Variants in MARCHF5 observed in about 807,000 individuals in gnomAD.
MARCHF5 encodes membrane associated ring-CH-type finger 5, also known as E3 ubiquitin-protein ligase MARCHF5.
In MARCHF5, 5 loss-of-function variants were observed where a neutral mutation model predicts 36.5. The ratio of observed to expected loss-of-function variants is 0.14; its 90% CI spans 0.07 to 0.29. The LOEUF is 0.29. Ranked by LOEUF, MARCHF5 falls within the 10% of genes least tolerant of loss-of-function variation. The pLI, the probability that MARCHF5 is intolerant of heterozygous loss-of-function variation, is 1.00. For missense variants in MARCHF5, 179 were observed against 336.3 expected, an observed-to-expected ratio of 0.53 and a Z score of 3.66; for synonymous variants, 103 against 109.9, an observed-to-expected ratio of 0.94 and a Z score of 0.39.
In MARCHF5 at chr10:92,291,416, G is replaced by A; in HGVS notation, c.-79G>A. 1 of 1,282,132 alleles carries A rather than the reference G, an allele frequency of 7.8e-7. No individual in the cohort carries two copies. The highest frequency in any genetic ancestry group is 1.1e-6 in the Non-Finnish European group (1 of 906,752). The allele number at this position is 1,282,132 out of a possible 1,614,324, so 79.4% of individuals were successfully genotyped here. On this transcript the variant is annotated 5_prime_UTR_variant, in exon 1 of 6. Transcript: ENST00000358935. ...CCGCCGGACTGCGGCCTACTCCGCCGCCTCTCAGTGCTATTGTCCCTGGGC... is the reference window on the plus strand; with the variant it reads ...CCGCCGGACTGCGGCCTACTCCGCCACCTCTCAGTGCTATTGTCCCTGGGC...
At chr10:92,316,969 T>G (rs892526542) in intron 2 of MARCHF5, among the ~76,000 whole-genome samples, 1 of 152,186 alleles carries the variant, frequency 6.6e-6, no homozygotes, top group Non-Finnish European at 1.5e-5. Flanking sequence ...AAAAGTTTGT[T>G]TTATAAATAA....
chr10:92,305,255 A>G (rs369272155), intron 1 of MARCHF5, among the ~76,000 whole-genome samples: 1 of 152,004 alleles, frequency 6.6e-6, no homozygotes, highest in South Asian at 2.1e-4. Context: ...AAAATACAAA[A>G]AATTAGCCAG....
chr10:92,343,662 C>T (rs1241542706), intron 3 of MARCHF5, among the ~76,000 whole-genome samples: 5 of 152,192 alleles, frequency 3.3e-5, no homozygotes, highest in Admixed American at 2.0e-4. Context: ...CTCCGCTTTC[C>T]GGGTTCAAGC....
chr10:92,334,537 T>A (rs1228697727), intron 2 of MARCHF5: 1 of 152,332 alleles, frequency 6.6e-6, no homozygotes, highest in Non-Finnish European at 1.5e-5. Context: ...TCTTCTCCAC[T>A]CCAACAGCTT....
chr10:92,336,545 G>A (rs1252994308), intron 2 of MARCHF5, among the ~76,000 whole-genome samples: 3 of 152,142 alleles, frequency 2.0e-5, no homozygotes, highest in East Asian at 1.9e-4. Flanking sequence ...GGTATGTTAT[G>A]TGATAAGTGC....
chr10:92,342,624 C>CA (rs1351778837), intron 3 of MARCHF5, among the ~76,000 whole-genome samples: 1 of 152,126 alleles, frequency 6.6e-6, no homozygotes, highest in Non-Finnish European at 1.5e-5. Context: ...ACTTCATGTT[C>CA]TTCTGTCAAT....
At chr10:92,294,812 A>G (rs1842929261) in intron 1 of MARCHF5, among the ~76,000 whole-genome samples, 1 of 152,116 alleles carries the variant, frequency 6.6e-6, no homozygotes, top group South Asian at 2.1e-4. Flanking sequence ...CCGAGATGAG[A>G]GGATTGCTTG....
intron 1 of MARCHF5, among the ~76,000 whole-genome samples, chr10:92,294,795 T>C (rs138762284): frequency 4.5e-4 from 68 of 152,336 alleles, no homozygotes; most frequent in African/African-American, 1.6e-3. Flanking sequence ...CCCAGCACTT[T>C]GGGAGGCCGA....
chr10:92,327,130 G>A (rs1287462591), intron 2 of MARCHF5, among the ~76,000 whole-genome samples: 1 of 152,018 alleles, frequency 6.6e-6, no homozygotes, highest in Non-Finnish European at 1.5e-5. Context: ...CAAGCTACTT[G>A]CAAGCTACTT....
In MARCHF5 at chr10:92,349,569, A is replaced by G. The variant is rs745958969; in HGVS notation, c.553+37A>G. On this transcript the variant is annotated intron_variant, in intron 4 of 5. Coordinates refer to ENST00000358935, the MANE Select transcript of MARCHF5 (RefSeq NM_017824.5). ...AACTGTGGTTGTAAAGTGCATACCA[A>G]ATTGATCTTGAAGAACAATAACATG... is the stretch of plus-strand genomic sequence containing the variant. 58 of 1,598,108 alleles carry G rather than the reference A, an allele frequency of 3.6e-5. No homozygotes were observed. The East Asian group carries it at 1.1e-3, about 30-fold the overall frequency.
chr10:92,295,798 CTT>C (rs1445696120), intron 1 of MARCHF5, among the ~76,000 whole-genome samples: 2 of 151,616 alleles, frequency 1.3e-5, no homozygotes, highest in African/African-American at 2.4e-5. Context: ...ATATTGGTAA[CTT>C]TGATTACTGT....
chr10:92,319,661 GT>G (rs145183388), intron 2 of MARCHF5, among the ~76,000 whole-genome samples: 98,497 of 148,212 alleles, frequency 0.66, 33,848 homozygotes, highest in African/African-American at 0.84. Context: ...TTTGTTTTTT[GT>G]TTTTTTTTCT....
chr10:92,321,554 C>G (rs909711983), intron 2 of MARCHF5, among the ~76,000 whole-genome samples: 1 of 151,968 alleles, frequency 6.6e-6, no homozygotes, highest in African/African-American at 2.4e-5. Flanking sequence ...GGTTTTGGTG[C>G]TGGAATCATA....
intron 2 of MARCHF5, among the ~76,000 whole-genome samples, chr10:92,339,619 A>G (rs1474682318): frequency 6.6e-6 from 1 of 152,144 alleles, no homozygotes; most frequent in Admixed American, 6.6e-5. Context: ...GCAGTGAGCC[A>G]TGATCGCACC....
At chr10:92,314,698 C>T (rs914195975) in intron 2 of MARCHF5, among the ~76,000 whole-genome samples, 1 of 150,090 alleles carries the variant, frequency 6.7e-6, no homozygotes, top group Non-Finnish European at 1.5e-5. Flanking sequence ...TAGCATATTT[C>T]CTCTTGACAA....
rs542374661 is a variant in MARCHF5 at position 92,352,288 on chromosome 10, G to A, written c.*1081G>A. 6.6e-6 allele frequency: 1 copy of A among 152,294 alleles called. No individual in the cohort carries two copies. Among genetic ancestry groups the A allele is most frequent in the African/African-American group, 2.4e-5 (1 of 41,536 alleles). The allele number at this position is 152,294 out of a possible 1,614,324, so 9.4% of individuals were successfully genotyped here. A position where few individuals can be genotyped will look rare whatever the true frequency, so the allele number is the denominator to read the frequency against. On this transcript the variant is annotated 3_prime_UTR_variant, in exon 6 of 6. Transcript: ENST00000358935. ...AGCTCTTTGTTTTTATATTAATGAGGAGAAAAGTATGAAAACAAGAAGTCT... is the reference window on the plus strand; with the variant it reads ...AGCTCTTTGTTTTTATATTAATGAGAAGAAAAGTATGAAAACAAGAAGTCT...
chr10:92,316,144 A>G (rs910996327), intron 2 of MARCHF5, among the ~76,000 whole-genome samples: 2 of 152,168 alleles, frequency 1.3e-5, no homozygotes, highest in African/African-American at 2.4e-5. Context: ...GATGATCTCT[A>G]TGCAGCAGAT....
At chr10:92,319,136 G>C (rs1042101307) in intron 2 of MARCHF5, among the ~76,000 whole-genome samples, 2 of 152,122 alleles carry the variant, frequency 1.3e-5, no homozygotes, top group African/African-American at 4.8e-5. Context: ...TTGTAGCTGT[G>C]GTAACATAGT....
chr10:92,320,124 G>A (rs1224551582), intron 2 of MARCHF5, among the ~76,000 whole-genome samples: 2 of 151,752 alleles, frequency 1.3e-5, no homozygotes, highest in Non-Finnish European at 2.9e-5. Flanking sequence ...CATGATCATA[G>A]CTCATTGTAA....
Sources: gnomAD v4.1 joint callset for allele counts (sites outside exome capture counted in the v4.1 genomes callset) on GRCh38, gnomAD v4.1.1 for gene constraint, MANE v1.5 for transcripts, NCBI Gene and HGNC (gene_info 2026-07-23, HGNC 2026-07-21) for gene names.